CEP112: variants seen among roughly 807,000 people sequenced by gnomAD.
CEP112 encodes the protein centrosomal protein of 112 kDa.
In CEP112, 127 loss-of-function variants were observed where a neutral mutation model predicts 153.0. The observed-to-expected ratio is 0.83, with a 90% CI of 0.72 to 0.96. The LOEUF (loss-of-function observed/expected upper bound fraction) is 0.96, where lower values mean the gene tolerates loss of function less well. CEP112 is among the 40% of genes least tolerant of loss of function. The pLI is 0.00. For synonymous variants in CEP112, 358 were observed against 374.4 expected (o/e 0.96, Z 0.51); for missense variants, 1,089 against 1,101.2 (o/e 0.99, Z 0.16).
At chr17:66,045,965 T>C (rs1409739438) in intron 12 of CEP112, among the ~76,000 whole-genome samples, 1 of 152,230 alleles carries the variant, frequency 6.6e-6, no homozygotes, top group Non-Finnish European at 1.5e-5. Context: ...TGACACATGA[T>C]ACCACAACAG....
intron 4 of CEP112, among the ~76,000 whole-genome samples, chr17:66,138,707 TAAAA>T (rs200626409): frequency 6.7e-6 from 1 of 149,782 alleles, no homozygotes; most frequent in East Asian, 2.0e-4. Flanking sequence ...ACACAAAACA[TAAAA>T]AAAAAGAATC....
At chr17:66,170,632 A>T (rs575774627) in intron 4 of CEP112, among the ~76,000 whole-genome samples, 1 of 152,138 alleles carries the variant, frequency 6.6e-6, no homozygotes, top group East Asian at 1.9e-4. Context: ...GCATGGTGGT[A>T]CGCACCTGTA....
intron 24 of CEP112, among the ~76,000 whole-genome samples, chr17:65,675,337 C>A (rs977268437): frequency 1.3e-5 from 2 of 152,182 alleles, no homozygotes; most frequent in Admixed American, 1.3e-4. Flanking sequence ...AACTCCACCA[C>A]CTATATTACA....
At chr17:66,171,311 GA>G (rs1260129561) in intron 4 of CEP112, among the ~76,000 whole-genome samples, 1 of 152,090 alleles carries the variant, frequency 6.6e-6, no homozygotes, top group East Asian at 1.9e-4. Flanking sequence ...CACTAAGGGG[GA>G]AAAATCTTTT....
At chr17:66,105,731 TTGC>T (rs753040793) in intron 6 of CEP112, among the ~76,000 whole-genome samples, 14 of 152,020 alleles carry the variant, frequency 9.2e-5, no homozygotes, top group Non-Finnish European at 1.5e-5. Flanking sequence ...GAGTCAGAGG[TTGC>T]AGTAGCCAAG....
intron 4 of CEP112, among the ~76,000 whole-genome samples, chr17:66,150,243 G>A (rs2071145363): frequency 6.8e-6 from 1 of 147,126 alleles, no homozygotes; most frequent in South Asian, 2.2e-4. Flanking sequence ...TGTCACCCAG[G>A]CTGGAGTGCA....
chr17:65,914,849 G>A (rs1449008118), intron 19 of CEP112, among the ~76,000 whole-genome samples: 2 of 151,814 alleles, frequency 1.3e-5, no homozygotes, highest in African/African-American at 4.8e-5. Context: ...TCCTCAAAAC[G>A]GCTGCTCACA....
intron 12 of CEP112, among the ~76,000 whole-genome samples, chr17:66,048,202 G>A (rs1235477321): frequency 2.6e-5 from 4 of 151,818 alleles, no homozygotes. Context: ...AAAAGGAAAG[G>A]GCCCAGAATG....
At chr17:66,119,905 T>C (rs1318185797) in intron 6 of CEP112, among the ~76,000 whole-genome samples, 1 of 152,196 alleles carries the variant, frequency 6.6e-6, no homozygotes, top group Non-Finnish European at 1.5e-5. Context: ...AGGTCTTTGT[T>C]TGTTTTCACC....
intron 12 of CEP112, among the ~76,000 whole-genome samples, chr17:66,040,493 T>TC (rs1664390066): frequency 3.7e-5 from 2 of 53,810 alleles, no homozygotes; most frequent in South Asian, 8.7e-4. Context: ...TCCCTTTTTT[T>TC]CTTTTTTTTT....
intron 4 of CEP112, among the ~76,000 whole-genome samples, chr17:66,163,735 ATT>A (rs995405748): frequency 2.6e-5 from 4 of 152,140 alleles, no homozygotes; most frequent in Non-Finnish European, 4.4e-5. Context: ...CATTTAAATC[ATT>A]GTTTATTAAT....
intron 19 of CEP112, among the ~76,000 whole-genome samples, chr17:65,915,339 A>T (rs750245287): frequency 6.6e-6 from 1 of 152,114 alleles, no homozygotes; most frequent in Non-Finnish European, 1.5e-5. Flanking sequence ...CCCAAATCTG[A>T]CTACTCCCTG....
At chr17:65,983,041 G>T (rs1460924667) in intron 17 of CEP112, among the ~76,000 whole-genome samples, 2 of 152,180 alleles carry the variant, frequency 1.3e-5, no homozygotes, top group Admixed American at 1.3e-4. Context: ...AAGCAGAATG[G>T]TGGTTAGGAG....
At chr17:66,183,144 A>G (rs543010322) in intron 2 of CEP112, 50 bp downstream of exon 2, 1 of 1,288,002 alleles carries the variant, frequency 7.8e-7, no homozygotes, top group Non-Finnish European at 1.1e-6. Context: ...ACTAAATAAT[A>G]TAAAGAAAAA....
chr17:65,661,669 T>G (rs2046391455), intron 24 of CEP112: 1 of 152,212 alleles, frequency 6.6e-6, no homozygotes, highest in Non-Finnish European at 1.5e-5. Context: ...GATTAAATAA[T>G]TATTCTTTTG....
At chr17:65,680,918 C>A (rs1335560502) in intron 24 of CEP112, among the ~76,000 whole-genome samples, 4 of 152,134 alleles carry the variant, frequency 2.6e-5, no homozygotes, top group Admixed American at 6.5e-5. Context: ...AACACAGGAA[C>A]AGCATGGGGG....
chr17:65,916,390 C>T (rs2060493073), intron 19 of CEP112, among the ~76,000 whole-genome samples: 1 of 151,816 alleles, frequency 6.6e-6, no homozygotes, highest in Non-Finnish European at 1.5e-5. Context: ...ATATCCCAAG[C>T]ACTTGGAAGA....
intron 23 of CEP112, among the ~76,000 whole-genome samples, chr17:65,706,657 A>G (rs1319232581): frequency 1.3e-5 from 2 of 152,176 alleles, no homozygotes; most frequent in African/African-American, 4.8e-5. Context: ...ATATATTCAG[A>G]TCTAGATTAA....
At chr17:65,823,507 A>C (rs1598698060) in intron 21 of CEP112, among the ~76,000 whole-genome samples, 1 of 152,200 alleles carries the variant, frequency 6.6e-6, no homozygotes, top group Non-Finnish European at 1.5e-5. Context: ...ACAAAAATCT[A>C]CTCAAAATGG....
Sources: gnomAD v4.1 joint callset for allele counts (sites outside exome capture counted in the v4.1 genomes callset) on GRCh38, gnomAD v4.1.1 for gene constraint, MANE v1.5 for transcripts, NCBI Gene and HGNC (gene_info 2026-07-23, HGNC 2026-07-21) for gene names.